Variants in EYS observed in about 807,000 individuals in gnomAD.
EYS encodes the protein protein eyes shut homolog.
In EYS, 250 loss-of-function variants were observed where a neutral mutation model predicts 282.1. The observed-to-expected ratio is 0.89, with a 90% confidence interval of 0.80 to 0.98. The LOEUF is 0.98. EYS is among the 50% of genes least tolerant of loss of function. EYS has a pLI of 0.00. For missense variants in EYS, 4,016 were observed against 3,709.0 expected (o/e 1.08, Z -2.15); for synonymous variants, 1,355 against 1,282.9 (o/e 1.06, Z -1.20).
chr6:65,287,577 T>C (rs1051061523), intron 12 of EYS, among the ~76,000 whole-genome samples: 2 of 151,356 alleles, frequency 1.3e-5, no homozygotes, highest in African/African-American at 2.4e-5. Context: ...ATGTTTTGTA[T>C]AGCTTTTGCA....
intron 19 of EYS, among the ~76,000 whole-genome samples, chr6:64,855,143 C>T (rs971981969): frequency 1.3e-5 from 2 of 151,792 alleles, no homozygotes; most frequent in Non-Finnish European, 2.9e-5. Flanking sequence ...CTGTCTCTCC[C>T]CCATCCCCCA....
chr6:65,262,916 G>A (rs758267509), intron 12 of EYS, among the ~76,000 whole-genome samples: 4 of 152,076 alleles, frequency 2.6e-5, no homozygotes, highest in East Asian at 1.9e-4. Flanking sequence ...CATTGGATCC[G>A]TCATTGATAT....
intron 19 of EYS, among the ~76,000 whole-genome samples, chr6:64,860,204 G>T (rs1404045301): frequency 6.6e-6 from 1 of 152,192 alleles, no homozygotes; most frequent in African/African-American, 2.4e-5. Context: ...TAATCCAAGT[G>T]CTATGGAATC....
intron 31 of EYS, among the ~76,000 whole-genome samples, chr6:64,211,182 C>T (rs1010869423): frequency 6.6e-6 from 1 of 152,176 alleles, no homozygotes; most frequent in Non-Finnish European, 1.5e-5. Context: ...ATCCGTCTAT[C>T]TTCCATTGGT....
chr6:65,279,545 CTG>C, intron 12 of EYS, among the ~76,000 whole-genome samples: 1 of 152,198 alleles, frequency 6.6e-6, no homozygotes, highest in East Asian at 1.9e-4. Flanking sequence ...CTTTGTTCAT[CTG>C]TGTTTTCTTC....
intron 5 of EYS, among the ~76,000 whole-genome samples, chr6:65,408,623 T>A (rs982768719): frequency 6.6e-6 from 1 of 152,182 alleles, no homozygotes; most frequent in African/African-American, 2.4e-5. Context: ...TATTTTTTCC[T>A]TGTTCATTCC....
Position 63,957,153 on chromosome 6 carries a change from T to C in EYS, c.7055+27230A>G, listed in dbSNP as rs918862051. Among the ~76,000 whole-genome samples, 55 of 96,138 alleles carry C rather than the reference T, an allele frequency of 5.7e-4. 5 individuals are homozygous for C. Among genetic ancestry groups the C allele is most frequent in the Admixed American group, 1.6e-3 (12 of 7,316 alleles). 63.1% of individuals were successfully genotyped at this position (96,138 alleles called of 152,430 possible). A position where few individuals can be genotyped will look rare whatever the true frequency, so the allele number is the denominator to read the frequency against. On this transcript the variant is annotated intron_variant, in intron 35 of 42. Transcript: ENST00000503581. ...AGACAATATTTTTTTGAAAGACACA[T>C]TACTGTCTTCTTGTACTTAGGAACA...
chr6:65,381,354 A>T (rs2150349450), intron 8 of EYS, among the ~76,000 whole-genome samples: 1 of 152,224 alleles, frequency 6.6e-6, no homozygotes, highest in Middle Eastern at 3.4e-3. Context: ...TCCTCAGCAA[A>T]GCAACATAGG....
intron 31 of EYS, among the ~76,000 whole-genome samples, chr6:64,189,358 G>A (rs1211996543): frequency 6.6e-6 from 1 of 151,938 alleles, no homozygotes; most frequent in African/African-American, 2.4e-5. Flanking sequence ...TGGGATGTTT[G>A]GGAAAAAAAA....
At chr6:65,115,353 G>C (rs1229240818) in intron 12 of EYS, among the ~76,000 whole-genome samples, 3 of 151,760 alleles carry the variant, frequency 2.0e-5, no homozygotes, top group African/African-American at 7.3e-5. Flanking sequence ...TCACTGTTTT[G>C]CAGTTATTTT....
At chr6:63,754,599 C>A (rs1425913547) in intron 41 of EYS, among the ~76,000 whole-genome samples, 1 of 152,102 alleles carries the variant, frequency 6.6e-6, no homozygotes, top group Non-Finnish European at 1.5e-5. Flanking sequence ...CATTGATGGG[C>A]ATTTGGGTTT....
chr6:64,948,036 CTA>C (rs1001675868), intron 14 of EYS, among the ~76,000 whole-genome samples: 1 of 151,728 alleles, frequency 6.6e-6, no homozygotes, highest in African/African-American at 2.4e-5. Context: ...AAGCTAATAA[CTA>C]TTGGTATTTT....
intron 12 of EYS, among the ~76,000 whole-genome samples, chr6:65,140,614 G>C (rs1261471301): frequency 2.0e-5 from 3 of 150,816 alleles, no homozygotes; most frequent in Non-Finnish European, 4.4e-5. Flanking sequence ...CTAATATCCA[G>C]AATCTACAAT....
chr6:64,452,594 C>T (rs555334519), intron 26 of EYS, among the ~76,000 whole-genome samples: 5,586 of 152,186 alleles, frequency 0.037, 322 homozygotes, highest in African/African-American at 0.13. Context: ...CATCACACTA[C>T]CTGACTTCAA....
intron 12 of EYS, among the ~76,000 whole-genome samples, chr6:65,179,145 A>C (rs1196035948): frequency 1.3e-5 from 2 of 152,108 alleles, no homozygotes; most frequent in Non-Finnish European, 2.9e-5. Context: ...CATCACAACT[A>C]AAAGAACTAG....
At chr6:64,755,827 C>T (rs776309903) in intron 22 of EYS, among the ~76,000 whole-genome samples, 25 of 152,064 alleles carry the variant, frequency 1.6e-4, no homozygotes, top group Admixed American at 3.3e-4. Context: ...ACACTCAAGG[C>T]CCAGACTTCA....
chr6:64,990,568 A>C (rs568049567), intron 14 of EYS, among the ~76,000 whole-genome samples: 1 of 151,658 alleles, frequency 6.6e-6, no homozygotes, highest in East Asian at 1.9e-4. Context: ...ATAGTATTCA[A>C]TCAGTTCTAA....
At chr6:63,826,415 A>G (rs1269901631) in intron 36 of EYS, among the ~76,000 whole-genome samples, 3 of 152,238 alleles carry the variant, frequency 2.0e-5, no homozygotes, top group Admixed American at 6.5e-5. Context: ...TTGCAAAAGG[A>G]TCATCATTGC....
chr6:64,641,823 A>G (rs569810996), intron 22 of EYS, among the ~76,000 whole-genome samples: 9 of 152,242 alleles, frequency 5.9e-5, no homozygotes, highest in African/African-American at 2.2e-4. Flanking sequence ...CGTGAACCCT[A>G]TTGTGAACCT....
Sources: allele counts gnomAD v4.1 joint callset (sites outside exome capture counted in the v4.1 genomes callset), GRCh38; gene constraint gnomAD v4.1.1; transcripts MANE v1.5; gene names NCBI Gene and HGNC (gene_info 2026-07-23, HGNC 2026-07-21).